Variants in SLIT1 observed in about 807,000 individuals in gnomAD.
The protein encoded by SLIT1 is slit guidance ligand 1, also known as slit homolog 1 protein.
A neutral mutation model predicts 186.1 loss-of-function variants in SLIT1; 66 were observed. The ratio of observed to expected loss-of-function variants is 0.35; its 90% confidence interval spans 0.29 to 0.44. The LOEUF (loss-of-function observed/expected upper bound fraction) is 0.44. Ranked by LOEUF, SLIT1 falls within the 20% of genes least tolerant of loss-of-function variation. The pLI is 1.00. For synonymous variants in SLIT1, 761 were observed against 833.8 expected, an observed-to-expected ratio of 0.91 and a Z score of 1.50; for missense variants, 1,638 against 2,037.4, an observed-to-expected ratio of 0.80 and a Z score of 3.77.
chr10:97,125,918 T>C (rs1289081637), intron 4 of SLIT1, among the ~76,000 whole-genome samples: 7 of 152,110 alleles, frequency 4.6e-5, no homozygotes, highest in Non-Finnish European at 1.0e-4. Flanking sequence ...GTATATGTGC[T>C]GATATACAGT....
At position 97,057,190 on chromosome 10, in the gene SLIT1, C is replaced by T; in HGVS notation, c.1157+20G>A. ...GCCCTTCCCTGGGTCCCACCCAAGA[C>T]ACCCAGGATTCGTTCTTACAGGAGC... On this transcript the variant is annotated intron_variant, in intron 12 of 36. Transcript: ENST00000266058. The T allele has an allele frequency of 6.2e-7, 1 of 1,604,998 alleles. No individual in the cohort carries two copies. Among genetic ancestry groups the T allele is most frequent in the Non-Finnish European group, 8.5e-7 (1 of 1,172,088 alleles).
intron 4 of SLIT1, among the ~76,000 whole-genome samples, chr10:97,129,063 G>A (rs150410678): frequency 1.3e-5 from 2 of 152,222 alleles, no homozygotes; most frequent in South Asian, 2.1e-4. Flanking sequence ...GTGTCCCTGG[G>A]GAAATTGCAC....
intron 4 of SLIT1, among the ~76,000 whole-genome samples, chr10:97,104,909 T>C (rs1224404990): frequency 1.3e-5 from 2 of 152,036 alleles, no homozygotes; most frequent in South Asian, 2.1e-4. Context: ...GCTGGTCTCA[T>C]CTCCCCAGGA....
At chr10:97,107,915 G>A (rs1447141393) in intron 4 of SLIT1, among the ~76,000 whole-genome samples, 7 of 152,168 alleles carry the variant, frequency 4.6e-5, no homozygotes, top group Non-Finnish European at 1.5e-5. Flanking sequence ...ACAAACCGAG[G>A]GGTTGCTAAC....
At chr10:97,151,359 G>A (rs1006777826) in intron 4 of SLIT1, among the ~76,000 whole-genome samples, 6 of 151,738 alleles carry the variant, frequency 4.0e-5, no homozygotes, top group Non-Finnish European at 8.8e-5. Flanking sequence ...TACGTGGGAG[G>A]GGGAGGGTTG....
In SLIT1 at chr10:97,004,959, C is replaced by T. The variant is rs933331057; in HGVS notation, c.3580-136G>A. On this transcript the variant is annotated intron_variant, in intron 32 of 36. Coordinates refer to ENST00000266058, the MANE Select transcript of SLIT1 (RefSeq NM_003061.3). This position sits in a 1 kb window ranked among gnomAD's most constrained non-coding sequence, Gnocchi z 5.1. ...AGCGCTCTTCCCCCACCTGGCCAGC[C>T]TCCCCAAGGCCATTCCTCCAGGGGG... 1.5e-5 allele frequency: 15 copies of T among 1,008,490 alleles called. No individual in the cohort carries two copies. The highest frequency in any genetic ancestry group is 1.3e-4 in the African/African-American group (8 of 62,862). 62.5% of individuals were successfully genotyped at this position (1,008,490 alleles called of 1,614,324 possible).
chr10:97,146,749 C>A (rs1252058351), intron 4 of SLIT1, among the ~76,000 whole-genome samples: 1 of 152,200 alleles, frequency 6.6e-6, no homozygotes, highest in East Asian at 1.9e-4. Context: ...ACCCATAGAG[C>A]CCCAAGCCCT....
intron 4 of SLIT1, among the ~76,000 whole-genome samples, chr10:97,082,061 TGTGCTGACTGCA>T (rs1442793731): frequency 2.0e-5 from 3 of 152,262 alleles, no homozygotes; most frequent in Non-Finnish European, 4.4e-5. Flanking sequence ...AGGAGAGGCA[TGTGCTGACTGCA>T]GTGCACATCA....
intron 4 of SLIT1, among the ~76,000 whole-genome samples, chr10:97,096,023 G>A (rs1849285307): frequency 6.6e-6 from 1 of 152,102 alleles, no homozygotes; most frequent in Non-Finnish European, 1.5e-5. Context: ...ACCTGGGGCT[G>A]TGCTTCCTCC....
intron 1 of SLIT1, among the ~76,000 whole-genome samples, chr10:97,167,209 C>T (rs1304226391): frequency 1.3e-5 from 2 of 152,180 alleles, no homozygotes; most frequent in East Asian, 3.8e-4. Context: ...ATGTAAAGGT[C>T]ATTTTTCAAT....
intron 4 of SLIT1, among the ~76,000 whole-genome samples, chr10:97,072,452 T>C (rs1256353590): frequency 6.6e-6 from 1 of 152,226 alleles, no homozygotes; most frequent in African/African-American, 2.4e-5. Flanking sequence ...GCACGGGCAC[T>C]GTGCCCAGCT....
In SLIT1 at chr10:97,043,593, C is replaced by CGTGGCTCG; in HGVS notation, c.1854-88_1854-81dup. Reference sequence around the variant, plus strand: ...ACCTGGGCCACGCAGCTTCCGCCATCGTGGCTCGTTCACAGTTCTCCTCCA... The same window carrying CGTGGCTCG: ...ACCTGGGCCACGCAGCTTCCGCCATCGTGGCTCGGTGGCTCGTTCACAGTTCTCCTCCA... On this transcript the variant is annotated intron_variant, in intron 18 of 36. Transcript: ENST00000266058. This position sits in a 1 kb window ranked among gnomAD's most constrained non-coding sequence, Gnocchi z 7.0. 1.5e-6 allele frequency: 2 copies of CGTGGCTCG among 1,358,300 alleles called. No individual in the cohort carries two copies. The highest frequency in any genetic ancestry group is 2.1e-6 in the Non-Finnish European group (2 of 971,110). The allele number at this position is 1,358,300 out of a possible 1,614,324, so 84.1% of individuals were successfully genotyped here.
intron 4 of SLIT1, among the ~76,000 whole-genome samples, chr10:97,144,817 T>A (rs756884388): frequency 6.6e-6 from 1 of 152,156 alleles, no homozygotes; most frequent in Non-Finnish European, 1.5e-5. Context: ...TACCCCTCTA[T>A]CACTTGCAAT....
intron 4 of SLIT1, chr10:97,157,536 T>G: frequency 2.4e-6 from 1 of 411,592 alleles, no homozygotes; most frequent in Non-Finnish European, 4.3e-6. Context: ...TCCACAAGCA[T>G]GCCTGCCTGC....
At position 97,030,808 on chromosome 10, in the gene SLIT1, A is replaced by G. The variant is rs1848583832; in HGVS notation, c.2531T>C (p.Ile844Thr). 1.2e-6 allele frequency: 2 copies of G among 1,613,904 alleles called. No individual in the cohort carries two copies. Among genetic ancestry groups the G allele is most frequent in the Non-Finnish European group, 8.5e-7 (1 of 1,179,988 alleles). Residue 844 changes from isoleucine to threonine, a missense_variant, in exon 25 of 37, where the codon ATC (isoleucine) becomes ACC (threonine). This residue lies in a region of SLIT1 where 1,245 missense variants were observed against 1,535.3 expected (regional missense o/e 0.81). Coordinates refer to ENST00000266058, the MANE Select transcript of SLIT1 (RefSeq NM_003061.3). ...AAAGATGCCCTCTTGGAGGGTGGAG[A>G]TGTCATTGCCGTGGAGAGACCTGAG... Reference protein sequence around the residue: ...LRLLSLHGNDISTLQEGIFAD... With the variant: ...LRLLSLHGNDTSTLQEGIFAD...
chr10:97,109,509 C>T (rs535328718), intron 4 of SLIT1, among the ~76,000 whole-genome samples: 3 of 152,270 alleles, frequency 2.0e-5, no homozygotes, highest in Admixed American at 6.5e-5. Flanking sequence ...ACTTTCCCAG[C>T]GAGAAGCTGT....
At chr10:97,069,856 T>C (rs955625374) in intron 4 of SLIT1, among the ~76,000 whole-genome samples, 1 of 152,166 alleles carries the variant, frequency 6.6e-6, no homozygotes, top group Non-Finnish European at 1.5e-5. Flanking sequence ...TGGGCAGGAC[T>C]CAGTAACTTA....
intron 10 of SLIT1, 62 bp downstream of exon 10, chr10:97,060,025 G>T: frequency 7.0e-7 from 1 of 1,421,210 alleles, no homozygotes; most frequent in Non-Finnish European, 1.0e-6. Flanking sequence ...AGGGCTGTGG[G>T]ACCACCCAGG....
At chr10:97,181,063 G>A (rs551633754) in intron 1 of SLIT1, among the ~76,000 whole-genome samples, 3 of 152,332 alleles carry the variant, frequency 2.0e-5, no homozygotes, top group South Asian at 2.1e-4. Context: ...CACAGCTGTC[G>A]TCGTCCCGTT....
Sources: gnomAD v4.1 joint callset for allele counts (sites outside exome capture counted in the v4.1 genomes callset) on GRCh38, gnomAD v4.1.1 for gene constraint, gnomAD v4.1.1 regional missense constraint, Gnocchi (gnomAD v3.1) non-coding constraint, MANE v1.5 for transcripts, NCBI Gene and HGNC (gene_info 2026-07-23, HGNC 2026-07-21) for gene names.